Variants in CCDC93 observed in about 807,000 individuals in gnomAD.
CCDC93 encodes the protein coiled-coil domain-containing protein 93.
A neutral mutation model predicts 108.2 loss-of-function variants in CCDC93; 61 were observed. The ratio of observed to expected loss-of-function variants is 0.56; its 90% CI spans 0.46 to 0.70. CCDC93 has a LOEUF of 0.70. Among genes scored for constraint, CCDC93 ranks in the 30% least tolerant of loss-of-function variants. The pLI, the probability that CCDC93 is intolerant of heterozygous loss-of-function variation, is 0.00. For missense variants in CCDC93, 685 were observed against 764.2 expected (o/e 0.90, Z 1.22); for synonymous variants, 276 against 260.4 (o/e 1.06, Z -0.58).
intron 4 of CCDC93, chr2:117,996,982 G>C (rs1409007594): frequency 2.0e-5 from 3 of 152,250 alleles, no homozygotes; most frequent in African/African-American, 7.2e-5. Flanking sequence ...AATGTCGGAT[G>C]GTACTGGCTG....
chr2:117,991,997 G>A (rs1680488732), intron 6 of CCDC93, among the ~76,000 whole-genome samples: 1 of 152,264 alleles, frequency 6.6e-6, no homozygotes, highest in African/African-American at 2.4e-5. Flanking sequence ...AGAAGGGAGG[G>A]AGGAAAGTTA....
At chr2:117,958,216 G>T in intron 12 of CCDC93, 149 bp downstream of exon 12, 1 of 594,094 alleles carries the variant, frequency 1.7e-6, no homozygotes, top group Non-Finnish European at 3.0e-6. Context: ...ACAAATGGAT[G>T]TGTTATGTTG....
chr2:117,984,165 C>T (rs1017804773), intron 7 of CCDC93, among the ~76,000 whole-genome samples: 2 of 152,110 alleles, frequency 1.3e-5, no homozygotes, highest in Admixed American at 6.5e-5. Context: ...AACTTACCCT[C>T]TCCTTGCCAA....
At chr2:118,002,626 A>G (rs1027603748) in intron 3 of CCDC93, among the ~76,000 whole-genome samples, 1 of 152,208 alleles carries the variant, frequency 6.6e-6, no homozygotes, top group Non-Finnish European at 1.5e-5. Flanking sequence ...GCACACATTC[A>G]TAGAAGAGAG....
At position 117,947,533 on chromosome 2, in the gene CCDC93, C is replaced by T. The variant is rs547834742; in HGVS notation, c.1224+572G>A. ...ATGATGTTACCCTTTTCACAAAGGC[C>T]GTCTGTCAACAAAATATATTTTTGC... On this transcript the variant is annotated intron_variant, in intron 15 of 23. Transcript: ENST00000376300. 3.9e-5 allele frequency among the ~76,000 whole-genome samples: 6 copies of T among 152,250 alleles called. No homozygotes were observed. The East Asian group carries it at 7.7e-4, about 20-fold the overall frequency.
intron 6 of CCDC93, among the ~76,000 whole-genome samples, chr2:117,991,561 T>C (rs1282244801): frequency 1.3e-5 from 2 of 152,196 alleles, no homozygotes; most frequent in Non-Finnish European, 2.9e-5. Context: ...CTTTCTAAGC[T>C]TCAATTTCCT....
At chr2:117,955,690 C>T (rs1470533457) in intron 12 of CCDC93, among the ~76,000 whole-genome samples, 1 of 152,064 alleles carries the variant, frequency 6.6e-6, no homozygotes, top group Non-Finnish European at 1.5e-5. Flanking sequence ...CATAAGGATG[C>T]TGTGTGAACT....
At chr2:118,003,242 G>A (rs867588883) in intron 3 of CCDC93, among the ~76,000 whole-genome samples, 1 of 152,164 alleles carries the variant, frequency 6.6e-6, no homozygotes, top group Non-Finnish European at 1.5e-5. Flanking sequence ...TGGTAGTGAA[G>A]CACTAACAAA....
At chr2:117,932,714 G>A (rs59571958) in intron 22 of CCDC93, among the ~76,000 whole-genome samples, 11,445 of 152,204 alleles carry the variant, frequency 0.075, 521 homozygotes, top group South Asian at 0.15. Context: ...CCCTGTCGAT[G>A]GAACCCCTAA....
At chr2:118,013,869 C>G (rs1677087413) in intron 1 of CCDC93, 85 bp downstream of exon 1, 21 of 1,286,084 alleles carry the variant, frequency 1.6e-5, no homozygotes, top group Non-Finnish European at 2.2e-5. Context: ...CCTAACGCAC[C>G]CAGGGCCCGC....
intron 11 of CCDC93, among the ~76,000 whole-genome samples, chr2:117,967,477 C>T (rs1404568615): frequency 6.6e-6 from 1 of 152,160 alleles, no homozygotes; most frequent in African/African-American, 2.4e-5. Context: ...GGTTAGTTCC[C>T]GGTATGCCCT....
chr2:117,932,308 C>T (rs1678365743), intron 22 of CCDC93, among the ~76,000 whole-genome samples: 1 of 152,184 alleles, frequency 6.6e-6, no homozygotes, highest in South Asian at 2.1e-4. Flanking sequence ...ACCATGATTT[C>T]TGTGTTACAC....
intron 5 of CCDC93, among the ~76,000 whole-genome samples, chr2:117,995,984 T>C (rs541405969): frequency 3.3e-5 from 5 of 151,962 alleles, no homozygotes; most frequent in Non-Finnish European, 5.9e-5. Context: ...AAATTGTTAC[T>C]ATAGGATGTT....
At chr2:117,962,516 G>A (rs1679429680) in intron 11 of CCDC93, among the ~76,000 whole-genome samples, 1 of 152,084 alleles carries the variant, frequency 6.6e-6, no homozygotes, top group Non-Finnish European at 1.5e-5. Flanking sequence ...AGTGGCATAC[G>A]CCTGTAATCC....
In CCDC93 at chr2:117,916,283, C is replaced by T. The variant is rs927431403; in HGVS notation, c.*4060G>A. ...TGACACATTTTGAGCCAAAACATAC[C>T]TTATCTCTAACATTAGTGTAGTTCT... On this transcript the variant is annotated 3_prime_UTR_variant, in exon 24 of 24. Coordinates refer to ENST00000376300, the MANE Select transcript of CCDC93 (RefSeq NM_019044.5). 6.6e-6 allele frequency: 1 copy of T among 152,084 alleles called. No homozygotes were observed. The allele number at this position is 152,084 out of a possible 1,614,324, so 9.4% of individuals were successfully genotyped here.
At position 118,006,613 on chromosome 2, in the gene CCDC93, A is replaced by G. The variant is rs544588393; in HGVS notation, c.251+109T>C. On this transcript the variant is annotated intron_variant, in intron 3 of 23. Coordinates refer to ENST00000376300, the MANE Select transcript of CCDC93 (RefSeq NM_019044.5). ...GGCAGGGATAATACCTCTTGTAATA[A>G]AAGTTAAAATAAACTATGTAAAGTG... 87 of 699,224 alleles carry G rather than the reference A, an allele frequency of 1.2e-4. No individual in the cohort carries two copies. The South Asian group carries it at 1.4e-3, about 11-fold the overall frequency. 43.3% of individuals were successfully genotyped at this position (699,224 alleles called of 1,614,324 possible).
chr2:118,002,105 G>A (rs1357076565), intron 3 of CCDC93, among the ~76,000 whole-genome samples: 1 of 152,116 alleles, frequency 6.6e-6, no homozygotes, highest in Non-Finnish European at 1.5e-5. Flanking sequence ...AGCTACTGTG[G>A]CCTTATAAAC....
intron 11 of CCDC93, among the ~76,000 whole-genome samples, chr2:117,961,120 C>G (rs2104760698): frequency 6.6e-6 from 1 of 152,006 alleles, no homozygotes; most frequent in South Asian, 2.1e-4. Flanking sequence ...ATGGGGTGGG[C>G]TCACCAACTG....
At chr2:117,929,387 T>C (rs1331848022) in intron 23 of CCDC93, among the ~76,000 whole-genome samples, 1 of 152,176 alleles carries the variant, frequency 6.6e-6, no homozygotes, top group Non-Finnish European at 1.5e-5. Context: ...GGAACCACCC[T>C]CTGTGTCTGG....
Sources: gnomAD v4.1 joint callset for allele counts (sites outside exome capture counted in the v4.1 genomes callset) on GRCh38, gnomAD v4.1.1 for gene constraint, MANE v1.5 for transcripts, NCBI Gene and HGNC (gene_info 2026-07-23, HGNC 2026-07-21) for gene names.